Variants in USP3 observed in about 807,000 individuals in gnomAD.
The protein encoded by USP3 is ubiquitin specific peptidase 3, also known as ubiquitin carboxyl-terminal hydrolase 3.
USP3 carries 20 observed loss-of-function variants against 72.3 expected under a neutral mutation model. The observed-to-expected ratio is 0.28, with a 90% CI of 0.19 to 0.40. The LOEUF (loss-of-function observed/expected upper bound fraction) is 0.40. Among genes scored for constraint, USP3 ranks in the 10% least tolerant of loss-of-function variants. USP3 has a pLI of 1.00. For synonymous variants in USP3, 222 were observed against 225.3 expected (o/e 0.99, Z 0.13); for missense variants, 479 against 633.9 (o/e 0.76, Z 2.62).
chr15:63,510,655 A>G (rs150958366), intron 1 of USP3, among the ~76,000 whole-genome samples: 1 of 152,118 alleles, frequency 6.6e-6, no homozygotes, highest in Non-Finnish European at 1.5e-5. Flanking sequence ...AAGTACTTTG[A>G]TGGGTTCTCA....
intron 2 of USP3, chr15:63,533,949 A>G: frequency 8.3e-6 from 8 of 964,592 alleles, no homozygotes; most frequent in African/African-American, 1.8e-5. Flanking sequence ...AAATTTATGT[A>G]GTTCTGTTCT....
chr15:63,554,471 G>T (rs2066479828), intron 4 of USP3, among the ~76,000 whole-genome samples: 1 of 152,200 alleles, frequency 6.6e-6, no homozygotes. Context: ...TGCCTTTGAA[G>T]CTACAGTGGA....
chr15:63,518,184 A>G (rs2065876301), intron 1 of USP3, among the ~76,000 whole-genome samples: 1 of 152,226 alleles, frequency 6.6e-6, no homozygotes, highest in Non-Finnish European at 1.5e-5. Context: ...TTGAATAAAA[A>G]TTTATATTCA....
chr15:63,558,338 TGG>T, intron 6 of USP3, 150 bp downstream of exon 6: 1 of 820,560 alleles, frequency 1.2e-6, no homozygotes, highest in Non-Finnish European at 1.9e-6. Context: ...TCAGTAAAAT[TGG>T]GGACAGTAGT....
At chr15:63,575,281 C>A (rs2066845428) in intron 11 of USP3, among the ~76,000 whole-genome samples, 1 of 151,330 alleles carries the variant, frequency 6.6e-6, no homozygotes, top group South Asian at 2.1e-4. Context: ...CACACTTGAA[C>A]CACATGTGCT....
At chr15:63,565,579 GT>G (rs533120573) in intron 8 of USP3, among the ~76,000 whole-genome samples, 124 of 152,288 alleles carry the variant, frequency 8.1e-4, no homozygotes, top group African/African-American at 3.0e-3. Flanking sequence ...AGCAACCATA[GT>G]TACTAGAGTT....
chr15:63,507,954 A>C (rs1358273803), intron 1 of USP3, among the ~76,000 whole-genome samples: 2 of 152,192 alleles, frequency 1.3e-5, no homozygotes, highest in African/African-American at 2.4e-5. Flanking sequence ...CAAAACAAAA[A>C]TTTAGTGGGA....
intron 1 of USP3, among the ~76,000 whole-genome samples, chr15:63,511,236 C>T (rs1380570576): frequency 1.3e-5 from 1 of 79,190 alleles, no homozygotes; most frequent in African/African-American, 4.5e-5. Flanking sequence ...TAAACTCTAA[C>T]ACTGTTCAGA....
Position 63,574,188 on chromosome 15 carries a change from T to C in USP3, c.1015+36T>C. The C allele has an allele frequency of 7.0e-7, 1 of 1,431,980 alleles. No individual in the cohort carries two copies. 88.7% of individuals were successfully genotyped at this position (1,431,980 alleles called of 1,614,324 possible). On this transcript the variant is annotated intron_variant, in intron 10 of 14. Transcript: ENST00000380324. The surrounding 1 kb of genome is among the most constrained non-coding windows in gnomAD (Gnocchi z 4.6). ...TGTGGCATGTGGATATATAATATTT[T>C]ATTAAAATAAATTTAATGTTTCCTT...
intron 1 of USP3, among the ~76,000 whole-genome samples, chr15:63,517,519 T>A (rs2065867322): frequency 6.6e-6 from 1 of 152,232 alleles, no homozygotes; most frequent in Non-Finnish European, 1.5e-5. Context: ...AACTTTTTCA[T>A]GTAAAAAGCT....
intron 8 of USP3, among the ~76,000 whole-genome samples, chr15:63,565,098 TGACA>T (rs1002417226): frequency 8.5e-5 from 13 of 152,210 alleles, no homozygotes; most frequent in African/African-American, 3.1e-4. Flanking sequence ...GATTAACACA[TGACA>T]GACAGTGTCT....
At chr15:63,504,856 G>T in intron 1 of USP3, 26 bp downstream of exon 1, 1 of 1,557,766 alleles carries the variant, frequency 6.4e-7, no homozygotes, top group Non-Finnish European at 8.7e-7. Context: ...GGCCGGCCCC[G>T]CAGCGCACCC....
At chr15:63,543,300 A>T (rs1248448020) in intron 3 of USP3, among the ~76,000 whole-genome samples, 1 of 147,662 alleles carries the variant, frequency 6.8e-6, no homozygotes, top group African/African-American at 2.5e-5. Flanking sequence ...GAACAACATT[A>T]AAAAAAAAAG....
intron 14 of USP3, among the ~76,000 whole-genome samples, chr15:63,590,381 C>T (rs927482237): frequency 6.6e-6 from 1 of 152,080 alleles, no homozygotes; most frequent in Admixed American, 6.5e-5. Flanking sequence ...AACCTGGTAC[C>T]TAGTTTTCCA....
rs2152686757 is a variant in USP3, at chr15:63,592,950, CTT to C, written c.*2125_*2126del. 1 of 152,280 alleles carries C rather than the reference CTT, an allele frequency of 6.6e-6. No individual in the cohort carries two copies. Among genetic ancestry groups the C allele is most frequent in the South Asian group, 2.1e-4 (1 of 4,824 alleles). 9.4% of individuals were successfully genotyped at this position (152,280 alleles called of 1,614,324 possible). A position where few individuals can be genotyped will look rare whatever the true frequency, so the allele number is the denominator to read the frequency against. ...GGAGCAAATTACAATTATGTGTAAA[CTT>C]ATATCATCCAGTACAATGGCCCCTA... On this transcript the variant is annotated 3_prime_UTR_variant, in exon 15 of 15. Transcript: ENST00000380324.
chr15:63,581,946 AG>A (rs2066971513), intron 11 of USP3, among the ~76,000 whole-genome samples: 1 of 152,106 alleles, frequency 6.6e-6, no homozygotes, highest in Admixed American at 6.5e-5. Context: ...AGCCTCCCAA[AG>A]TGCTGGGATT....
At chr15:63,534,581 CT>C (rs1324162469) in intron 2 of USP3, among the ~76,000 whole-genome samples, 1 of 152,160 alleles carries the variant, frequency 6.6e-6, no homozygotes, top group African/African-American at 2.4e-5. Context: ...TTATACAAAA[CT>C]GTTAACCTCT....
intron 11 of USP3, among the ~76,000 whole-genome samples, chr15:63,584,399 G>C (rs1239701523): frequency 1.3e-5 from 2 of 152,086 alleles, no homozygotes; most frequent in Non-Finnish European, 2.9e-5. Flanking sequence ...CACCCAGCCG[G>C]TACAAAGGTT....
chr15:63,512,347 C>CTCT (rs2065798831), intron 1 of USP3, among the ~76,000 whole-genome samples: 2 of 98,124 alleles, frequency 2.0e-5, no homozygotes, highest in African/African-American at 6.2e-5. Flanking sequence ...CCTCTTCCTC[C>CTCT]TCTTCCTCTT....
Sources: gnomAD v4.1 joint callset for allele counts (sites outside exome capture counted in the v4.1 genomes callset) on GRCh38, gnomAD v4.1.1 for gene constraint, Gnocchi (gnomAD v3.1) non-coding constraint, MANE v1.5 for transcripts, NCBI Gene and HGNC (gene_info 2026-07-23, HGNC 2026-07-21) for gene names.